Variants in PDE3B observed in about 807,000 individuals in gnomAD.
PDE3B encodes cGMP-inhibited 3',5'-cyclic phosphodiesterase 3B.
PDE3B carries 66 observed loss-of-function variants against 116.8 expected under a neutral mutation model. That is an observed-to-expected ratio of 0.56 (90% CI 0.46 to 0.69). The LOEUF is 0.69. Ranked by LOEUF, PDE3B falls within the 30% of genes least tolerant of loss-of-function variation. The pLI is 0.00. For missense variants in PDE3B, 1,384 were observed against 1,368.1 expected (o/e 1.01, Z -0.18); for synonymous variants, 595 against 533.6 (o/e 1.12, Z -1.59).
intron 1 of PDE3B, among the ~76,000 whole-genome samples, chr11:14,761,866 T>A (rs1857367967): frequency 6.6e-6 from 1 of 152,192 alleles, no homozygotes; most frequent in Non-Finnish European, 1.5e-5. Context: ...AATGGTACAT[T>A]TTTATTTTAA....
chr11:14,656,874 C>G (rs144399028), intron 1 of PDE3B, among the ~76,000 whole-genome samples: 3 of 152,210 alleles, frequency 2.0e-5, no homozygotes, highest in African/African-American at 7.2e-5. Context: ...ATGAGACAAT[C>G]CGTTTTTATT....
At chr11:14,710,120 G>T (rs117720468) in intron 1 of PDE3B, among the ~76,000 whole-genome samples, 1 of 152,034 alleles carries the variant, frequency 6.6e-6, no homozygotes, top group East Asian at 1.9e-4. Flanking sequence ...TCCAAGTTTT[G>T]GATTCTCTGA....
intron 5 of PDE3B, among the ~76,000 whole-genome samples, chr11:14,809,486 C>T (rs1019911997): frequency 8.5e-5 from 13 of 152,108 alleles, no homozygotes; most frequent in Admixed American, 7.9e-4. Flanking sequence ...CAAAAGACTA[C>T]AAATTGTACA....
rs556615353 is a variant in PDE3B, at chr11:14,779,879, GGATAGAGTAAA to G, written c.1030-6555_1030-6545del. On this transcript the variant is annotated intron_variant, in intron 2 of 15. Transcript: ENST00000282096. ...ATTAAAAGACACAGACTGGCAAATT[GGATAGAGTAAA>G]GACCCATCAGTGTGCTGTATTCAGG... Among the ~76,000 whole-genome samples, 279 of 152,006 alleles carry G rather than the reference GGATAGAGTAAA, an allele frequency of 1.8e-3. 1 individual carries two copies. The highest frequency in any genetic ancestry group is 6.3e-3 in the African/African-American group (263 of 41,434).
intron 5 of PDE3B, among the ~76,000 whole-genome samples, chr11:14,809,253 G>A (rs1441066965): frequency 6.6e-6 from 1 of 152,172 alleles, no homozygotes; most frequent in East Asian, 1.9e-4. Flanking sequence ...CAAGAGAAGT[G>A]AAACCGTAGG....
intron 4 of PDE3B, among the ~76,000 whole-genome samples, chr11:14,791,750 G>C (rs564479271): frequency 5.9e-5 from 9 of 151,960 alleles, no homozygotes; most frequent in African/African-American, 1.7e-4. Context: ...GTTGTCCCTG[G>C]TTATCCCTGG....
intron 1 of PDE3B, among the ~76,000 whole-genome samples, chr11:14,684,847 G>C (rs747335894): frequency 6.6e-6 from 1 of 151,914 alleles, no homozygotes; most frequent in Non-Finnish European, 1.5e-5. Flanking sequence ...GCTCTATTCT[G>C]CCTGAACTTG....
intron 1 of PDE3B, among the ~76,000 whole-genome samples, chr11:14,647,489 T>G (rs1853442835): frequency 6.6e-6 from 1 of 152,004 alleles, no homozygotes; most frequent in Admixed American, 6.5e-5. Context: ...TTTGGTAAGG[T>G]AGAAATTAAA....
chr11:14,659,146 A>C (rs1202570811), intron 1 of PDE3B, among the ~76,000 whole-genome samples: 1 of 152,210 alleles, frequency 6.6e-6, no homozygotes, highest in African/African-American at 2.4e-5. Flanking sequence ...GCTTGGAAGA[A>C]TGTTGCAAGT....
chr11:14,652,918 A>G (rs940978056), intron 1 of PDE3B, among the ~76,000 whole-genome samples: 1 of 152,178 alleles, frequency 6.6e-6, no homozygotes, highest in African/African-American at 2.4e-5. Context: ...TGAAAATGGG[A>G]TATCTTTTGA....
chr11:14,649,631 A>T (rs1013686863), intron 1 of PDE3B, among the ~76,000 whole-genome samples: 1 of 152,238 alleles, frequency 6.6e-6, no homozygotes, highest in African/African-American at 2.4e-5. Flanking sequence ...GAAGTGAGAG[A>T]GAGTCAGTTA....
In PDE3B at chr11:14,650,365, G is replaced by C. The variant is rs564317262; in HGVS notation, c.978+5312G>C. Among the ~76,000 whole-genome samples, 4 of 152,188 alleles carry C rather than the reference G, an allele frequency of 2.6e-5. No homozygotes were observed. In the East Asian group the frequency reaches 7.7e-4, roughly 29 times the overall value. On this transcript the variant is annotated intron_variant, in intron 1 of 15. Coordinates refer to ENST00000282096, the MANE Select transcript of PDE3B (RefSeq NM_000922.4). ...ACTGCAGTGCGTGCCATCATGCCCAGCTAATTTTTGTATCTTTTTTTTGTA... is the reference window on the plus strand; with the variant it reads ...ACTGCAGTGCGTGCCATCATGCCCACCTAATTTTTGTATCTTTTTTTTGTA...
chr11:14,690,240 C>T lies in PDE3B; in HGVS notation c.978+45187C>T, dbSNP rs569171996. 1.4e-4 allele frequency among the ~76,000 whole-genome samples: 21 copies of T among 152,114 alleles called. No individual in the cohort carries two copies. The South Asian group carries it at 3.9e-3, about 29-fold the overall frequency. On this transcript the variant is annotated intron_variant, in intron 1 of 15. Coordinates refer to ENST00000282096, the MANE Select transcript of PDE3B (RefSeq NM_000922.4). ...TAGTCTGGGAAAAATTCTTCCAAATCGAATGGTTTATAAATGAAAGAAAAT... is the reference window on the plus strand; with the variant it reads ...TAGTCTGGGAAAAATTCTTCCAAATTGAATGGTTTATAAATGAAAGAAAAT...
intron 1 of PDE3B, among the ~76,000 whole-genome samples, chr11:14,667,248 C>A (rs1854189980): frequency 6.8e-6 from 1 of 146,420 alleles, no homozygotes; most frequent in Non-Finnish European, 1.5e-5. Flanking sequence ...AACACATGGA[C>A]ACAGGAAGGG....
intron 1 of PDE3B, among the ~76,000 whole-genome samples, chr11:14,728,824 T>A (rs1157504532): frequency 6.6e-6 from 1 of 152,154 alleles, no homozygotes; most frequent in South Asian, 2.1e-4. Flanking sequence ...AGCTTGCAGG[T>A]CTTTTGAATA....
intron 5 of PDE3B, among the ~76,000 whole-genome samples, chr11:14,814,419 G>T (rs1859248844): frequency 6.6e-6 from 1 of 151,944 alleles, no homozygotes; most frequent in Non-Finnish European, 1.5e-5. Context: ...TATTTTAATT[G>T]TACAGAAAAA....
intron 1 of PDE3B, among the ~76,000 whole-genome samples, chr11:14,670,493 T>G (rs1045454841): frequency 9.2e-5 from 14 of 152,146 alleles, no homozygotes; most frequent in African/African-American, 3.1e-4. Flanking sequence ...AGGAGTAATG[T>G]GTATAAGTAA....
intron 15 of PDE3B, among the ~76,000 whole-genome samples, chr11:14,868,841 TACTCCCCC>T (rs546168118): frequency 1.5e-3 from 235 of 152,188 alleles, no homozygotes; most frequent in African/African-American, 5.2e-3. Context: ...CTAAAAATTA[TACTCCCCC>T]ATCTCTACTA....
At chr11:14,803,776 G>T (rs1858839147) in intron 4 of PDE3B, among the ~76,000 whole-genome samples, 168 bp from the exon 5 acceptor site, 1 of 152,168 alleles carries the variant, frequency 6.6e-6, no homozygotes, top group African/African-American at 2.4e-5. Flanking sequence ...TTACCATCAG[G>T]TTCTTTACAG....
Sources: allele counts gnomAD v4.1 joint callset (sites outside exome capture counted in the v4.1 genomes callset), GRCh38; gene constraint gnomAD v4.1.1; transcripts MANE v1.5; gene names NCBI Gene and HGNC (gene_info 2026-07-23, HGNC 2026-07-21).